The following ALG6 variants were observed in gnomAD, a reference collection of about 807,000 sequenced individuals.
ALG6 encodes the protein dolichyl pyrophosphate Man9GlcNAc2 alpha-1,3-glucosyltransferase.
ALG6 carries 46 observed loss-of-function variants against 66.6 expected under a neutral mutation model. The observed-to-expected ratio is 0.69, with a 90% CI of 0.55 to 0.88. The LOEUF (loss-of-function observed/expected upper bound fraction) is 0.88. Among genes scored for constraint, ALG6 ranks in the 40% least tolerant of loss-of-function variants. ALG6 has a pLI of 0.00. For synonymous variants in ALG6, 185 were observed against 203.7 expected (o/e 0.91, Z 0.78); for missense variants, 505 against 586.8 (o/e 0.86, Z 1.44).
At position 63,406,445 on chromosome 1, in the gene ALG6, T is replaced by C. The variant is rs138180242; in HGVS notation, c.429+46T>C. 7.4e-4 allele frequency: 1,111 copies of C among 1,501,706 alleles called. 4 individuals carry two copies. The African/African-American group carries it at 0.011, about 14-fold the overall frequency. 93.0% of individuals were successfully genotyped at this position (1,501,706 alleles called of 1,614,324 possible). On this transcript the variant is annotated intron_variant, in intron 6 of 14. Transcript: ENST00000263440. ...ACAGTTCGTCTCTGAAATGTATTCT[T>C]TATTAGTCTAACTATTAAGTATAGA...
rs185642334 is a variant in ALG6 at position 63,401,085 on chromosome 1, T to C, written c.168-1169T>C. On this transcript the variant is annotated intron_variant, in intron 3 of 14. Coordinates refer to ENST00000263440, the MANE Select transcript of ALG6 (RefSeq NM_013339.4). ...CTTGGCTTCAAGTCCCAGCCAGACA[T>C]GGAACCCAAGATTGTTCACATGGAT... Among the ~76,000 whole-genome samples the C allele has an allele frequency of 4.7e-4, 71 of 152,228 alleles. 1 individual carries two copies. Among genetic ancestry groups the C allele is most frequent in the African/African-American group, 1.6e-3 (67 of 41,556 alleles).
intron 12 of ALG6, among the ~76,000 whole-genome samples, chr1:63,425,599 G>A (rs1168897626): frequency 1.3e-5 from 2 of 152,184 alleles, no homozygotes; most frequent in African/African-American, 4.8e-5. Flanking sequence ...GAAATATATA[G>A]TAATTGCAGG....
intron 2 of ALG6, among the ~76,000 whole-genome samples, chr1:63,375,410 ATTTTTTTT>A (rs766565038): frequency 5.2e-5 from 4 of 77,068 alleles, no homozygotes; most frequent in Non-Finnish European, 7.8e-5. Context: ...CACCCCCGGC[ATTTTTTTT>A]TTTTTTTTTT....
chr1:63,398,130 C>G (rs146282236), intron 3 of ALG6, among the ~76,000 whole-genome samples: 7 of 152,138 alleles, frequency 4.6e-5, no homozygotes, highest in African/African-American at 1.2e-4. Context: ...ACTGCTTTGG[C>G]TACTGCTTTT....
intron 3 of ALG6, among the ~76,000 whole-genome samples, chr1:63,400,321 G>GTATATATATGTATATATATATACGTA (rs1644455417): frequency 4.6e-5 from 1 of 21,720 alleles, no homozygotes; most frequent in Non-Finnish European, 7.7e-5. Flanking sequence ...ATATATATAC[G>GTATATATATGTATATATATATACGTA]TATATATATA....
chr1:63,429,380 A>C (rs1644633823), intron 14 of ALG6: 1 of 362,098 alleles, frequency 2.8e-6, no homozygotes, highest in Non-Finnish European at 5.1e-6. Context: ...TTCTATTCTC[A>C]CTCCTAACTC....
At chr1:63,387,787 C>T (rs540994185) in intron 2 of ALG6, among the ~76,000 whole-genome samples, 1 of 152,174 alleles carries the variant, frequency 6.6e-6, no homozygotes, top group South Asian at 2.1e-4. Flanking sequence ...GGCAATCCGC[C>T]TGCCTCAGCC....
At chr1:63,417,836 T>G (rs1644552530) in intron 11 of ALG6, among the ~76,000 whole-genome samples, 1 of 152,000 alleles carries the variant, frequency 6.6e-6, no homozygotes, top group African/African-American at 2.4e-5. Flanking sequence ...TAATGAGTGC[T>G]ATGAAGAAAG....
intron 3 of ALG6, 86 bp from the exon 4 acceptor site, chr1:63,402,163 CTTAGA>C (rs1644467871): frequency 1.2e-6 from 1 of 818,708 alleles, no homozygotes; most frequent in South Asian, 1.4e-5. Flanking sequence ...CATTATTAAG[CTTAGA>C]TAAGTGAGGT....
chr1:63,408,450 T>A (rs571811361), intron 7 of ALG6, among the ~76,000 whole-genome samples: 1 of 152,316 alleles, frequency 6.6e-6, no homozygotes, highest in East Asian at 1.9e-4. Context: ...TTGGGTTGTT[T>A]CCCAGTTTGG....
chr1:63,390,320 G>C (rs1203311572), intron 2 of ALG6, among the ~76,000 whole-genome samples: 1 of 152,172 alleles, frequency 6.6e-6, no homozygotes, highest in Non-Finnish European at 1.5e-5. Flanking sequence ...TGAAGCTAGG[G>C]CCTGGAATGT....
chr1:63,393,180 T>C (rs1648721795), intron 2 of ALG6, among the ~76,000 whole-genome samples: 1 of 152,240 alleles, frequency 6.6e-6, no homozygotes, highest in Non-Finnish European at 1.5e-5. Context: ...TCAATGGTTG[T>C]ATTCTTTAAA....
rs1644440967 is a variant in ALG6 at position 63,400,209 on chromosome 1, ATATATATATATACGTATAT to A, written c.168-2044_168-2026del. Among the ~76,000 whole-genome samples, 30 of 27,526 alleles carry A rather than the reference ATATATATATATACGTATAT, an allele frequency of 1.1e-3. 2 individuals are homozygous for A. Among genetic ancestry groups the A allele is most frequent in the South Asian group, 8.0e-3 (3 of 374 alleles). The allele number at this position is 27,526 out of a possible 152,430, so 18.1% of individuals were successfully genotyped here. A position where few individuals can be genotyped will look rare whatever the true frequency, so the allele number is the denominator to read the frequency against. ...AACTCTGTCTCAAAAAAAAAAAAAT[ATATATATATATACGTATAT>A]ATATATATATATATACGTATATATA... is the stretch of plus-strand genomic sequence containing the variant. On this transcript the variant is annotated intron_variant, in intron 3 of 14. Coordinates refer to ENST00000263440, the MANE Select transcript of ALG6 (RefSeq NM_013339.4).
At chr1:63,382,271 G>T (rs186302672) in intron 2 of ALG6, among the ~76,000 whole-genome samples, 1 of 151,238 alleles carries the variant, frequency 6.6e-6, no homozygotes, top group Non-Finnish European at 1.5e-5. Context: ...GTGCCATCTC[G>T]ACTTACTGCA....
chr1:63,413,311 T>C (rs1014783482), intron 9 of ALG6, among the ~76,000 whole-genome samples: 3 of 152,206 alleles, frequency 2.0e-5, no homozygotes, highest in Non-Finnish European at 4.4e-5. Context: ...TGCCTTACCT[T>C]CCATTTCAGA....
intron 8 of ALG6, 61 bp from the exon 9 acceptor site, chr1:63,411,865 T>C: frequency 6.2e-7 from 1 of 1,608,656 alleles, no homozygotes; most frequent in South Asian, 1.1e-5. Context: ...GAGACTCAGG[T>C]TGATTTTGCA....
intron 2 of ALG6, among the ~76,000 whole-genome samples, chr1:63,389,142 T>G (rs970070343): frequency 6.6e-6 from 1 of 152,170 alleles, no homozygotes; most frequent in Non-Finnish European, 1.5e-5. Context: ...TCAGTTATTA[T>G]CCCTTTGAAT....
chr1:63,375,027 T>G (rs1648071487), intron 2 of ALG6, among the ~76,000 whole-genome samples: 1 of 152,040 alleles, frequency 6.6e-6, no homozygotes, highest in Non-Finnish European at 1.5e-5. Context: ...CTAGCCAACA[T>G]GGTGAAACCC....
chr1:63,424,131 A>G (rs1036001301), intron 12 of ALG6, among the ~76,000 whole-genome samples: 3 of 151,996 alleles, frequency 2.0e-5, no homozygotes, highest in African/African-American at 7.2e-5. Flanking sequence ...AGACAAGCCT[A>G]TTTAAATCCT....
Sources: allele counts gnomAD v4.1 joint callset (sites outside exome capture counted in the v4.1 genomes callset), GRCh38; gene constraint gnomAD v4.1.1; transcripts MANE v1.5; gene names NCBI Gene and HGNC (gene_info 2026-07-23, HGNC 2026-07-21).